The following TMEM129 variants were observed in gnomAD, a reference collection of about 807,000 sequenced individuals.
TMEM129 encodes E3 ubiquitin-protein ligase TM129.
In TMEM129, 35 loss-of-function variants were observed where a neutral mutation model predicts 34.1. The ratio of observed to expected loss-of-function variants is 1.03; its 90% CI spans 0.78 to 1.36. The LOEUF is 1.36. TMEM129 is among the 40% of genes most tolerant of loss of function. The pLI, the probability that TMEM129 is intolerant of heterozygous loss-of-function variation, is 0.00. For missense variants in TMEM129, 504 were observed against 512.6 expected, an observed-to-expected ratio of 0.98 and a Z score of 0.16; for synonymous variants, 239 against 217.3, an observed-to-expected ratio of 1.10 and a Z score of -0.88.
At position 1,720,463 on chromosome 4, in the gene TMEM129, C is replaced by G. The variant is rs911598117; in HGVS notation, c.205+170G>C. On this transcript the variant is annotated intron_variant, in intron 1 of 3. Coordinates refer to ENST00000382936, the MANE Select transcript of TMEM129 (RefSeq NM_001127266.2). The surrounding 1 kb of genome is among the most constrained non-coding windows in gnomAD (Gnocchi z 4.4). Reference sequence around the variant, plus strand: ...CCTGCAAGTCAGTGCCGGCGGCGCCCCTAAGCGCGCTCAGCCCACGCCGCG... The same window carrying G: ...CCTGCAAGTCAGTGCCGGCGGCGCCGCTAAGCGCGCTCAGCCCACGCCGCG... Among the ~76,000 whole-genome samples the G allele has an allele frequency of 5.9e-5, 9 of 152,256 alleles. No homozygotes were observed. The highest frequency in any genetic ancestry group is 2.2e-4 in the African/African-American group (9 of 41,468).
In TMEM129 at chr4:1,721,043, T is replaced by C. The variant is rs915821682; in HGVS notation, c.-206A>G. 1.0e-4 allele frequency: 29 copies of C among 285,640 alleles called. 1 individual carries two copies. The highest frequency in any genetic ancestry group is 2.7e-4 in the Admixed American group (5 of 18,860). The allele number at this position is 285,640 out of a possible 1,614,324, so 17.7% of individuals were successfully genotyped here. On this transcript the variant is annotated 5_prime_UTR_variant, in exon 1 of 4. An upstream open reading frame in the 5' UTR loses its in-frame stop. Coordinates refer to ENST00000382936, the MANE Select transcript of TMEM129 (RefSeq NM_001127266.2). ...CCGCCCGGCCGCCCGCGGGGCACTC[T>C]AGGACATGGAGTCCCGCCGCCCGGC... is the stretch of plus-strand genomic sequence containing the variant.
At position 1,717,637 on chromosome 4, in the gene TMEM129, A is replaced by T; in HGVS notation, c.719T>A (p.Leu240His). 6.5e-7 allele frequency: 1 copy of T among 1,544,678 alleles called. No homozygotes were observed. Among genetic ancestry groups the T allele is most frequent in the Middle Eastern group, 1.7e-4 (1 of 5,964 alleles). ...STEYGELCEK[L>H]RAPIRRAAHV... ...GGCTGCCCTGCGGATGGGTGCCCGGAGCTTCTCGCAGAGCTCCCCGTACTC... is the reference window on the plus strand; with the variant it reads ...GGCTGCCCTGCGGATGGGTGCCCGGTGCTTCTCGCAGAGCTCCCCGTACTC... The change falls in exon 3 of 4, where the codon CTC becomes CAC. Residue 240 changes from leucine to histidine, a missense_variant. Physicochemically the swap from Leu to His is moderately conservative, Grantham distance 99 (BLOSUM62 -3). Coordinates refer to ENST00000382936, the MANE Select transcript of TMEM129 (RefSeq NM_001127266.2).
chr4:1,718,480 G>A lies in TMEM129; in HGVS notation c.352C>T (p.Arg118Trp), dbSNP rs531878210. 185 of 1,552,306 alleles carry A rather than the reference G, an allele frequency of 1.2e-4. No individual in the cohort carries two copies. Among genetic ancestry groups the A allele is most frequent in the East Asian group, 1.2e-3 (49 of 41,310 alleles). ...CGCGCCAGTGGGTGGCAGGCCCACC[G>A]GTCACGGGACCAGTAGTAGATCAGG... The part of the protein sequence containing the change: ...CILIYYWSRD[R>W]WACHPLARTL... Residue 118 changes from arginine to tryptophan, a missense_variant, in exon 2 of 4, where the codon CGG (arginine) becomes TGG (tryptophan). Transcript: ENST00000382936.
chr4:1,720,414 G>A lies in TMEM129; in HGVS notation c.205+219C>T, dbSNP rs762054480. 1.3e-5 allele frequency among the ~76,000 whole-genome samples: 2 copies of A among 152,266 alleles called. No individual in the cohort carries two copies. The highest frequency in any genetic ancestry group is 4.8e-5 in the African/African-American group (2 of 41,476). On this transcript the variant is annotated intron_variant, in intron 1 of 3. Transcript: ENST00000382936. The surrounding 1 kb of genome is among the most constrained non-coding windows in gnomAD (Gnocchi z 4.4). ...GTGGGCCGGAGCATCCCTTGCCCAA[G>A]GTTCTGAACTTGGGTTCCCGTCACC...
Position 1,717,420 on chromosome 4 carries a change from C to T in TMEM129, c.849G>A (p.Glu283=). The change falls in exon 4 of 4, where the codon GAG becomes GAA. Residue 283 remains glutamate (E), a synonymous_variant. Transcript: ENST00000382936. ...AYSVPSSQEL[E]ACIGCMQTRA... The stretch of plus-strand genomic sequence containing the variant: ...GTGTCTGCATGCAGCCTATGCAGGC[C>T]TCCAGCTCCTGCGGGCAGGTGGAGC... 6.6e-7 allele frequency: 1 copy of T among 1,515,746 alleles called. No homozygotes were observed. The highest frequency in any genetic ancestry group is 8.9e-7 in the Non-Finnish European group (1 of 1,120,712). The allele number at this position is 1,515,746 out of a possible 1,614,324, so 93.9% of individuals were successfully genotyped here. A position where few individuals can be genotyped will look rare whatever the true frequency, so the allele number is the denominator to read the frequency against.
At chr4:1,719,311 T>C (rs1422326346) in intron 1 of TMEM129, 1 of 443,692 alleles carries the variant, frequency 2.3e-6, no homozygotes, top group Non-Finnish European at 4.6e-6. Flanking sequence ...CCCAGCACTT[T>C]GGGAAGCCGA....
At chr4:1,719,739 T>A (rs956891629) in intron 1 of TMEM129, among the ~76,000 whole-genome samples, 1 of 152,124 alleles carries the variant, frequency 6.6e-6, no homozygotes, top group Non-Finnish European at 1.5e-5. Context: ...CCCTAGAAAG[T>A]GGCCTGGTCA....
chr4:1,719,025 G>A, intron 1 of TMEM129: 4 of 1,291,814 alleles, frequency 3.1e-6, no homozygotes, highest in Non-Finnish European at 4.0e-6. Flanking sequence ...GCATCCCAGA[G>A]CTGAAAAGTT....
chr4:1,719,910 G>A (rs1717196154), intron 1 of TMEM129, among the ~76,000 whole-genome samples: 1 of 152,178 alleles, frequency 6.6e-6, no homozygotes, highest in Non-Finnish European at 1.5e-5. Context: ...CACCCCTCTT[G>A]TATCCCCAGA....
At chr4:1,719,207 A>G (rs1326114409) in intron 1 of TMEM129, 2 of 483,652 alleles carry the variant, frequency 4.1e-6, no homozygotes, top group South Asian at 3.1e-5. Context: ...GTAATAGTCC[A>G]CATTTGGAGT....
Position 1,720,538 on chromosome 4 carries a change from T to G in TMEM129, c.205+95A>C. 1 of 1,410,126 alleles carries G rather than the reference T, an allele frequency of 7.1e-7. No individual in the cohort carries two copies. The highest frequency in any genetic ancestry group is 9.4e-7 in the Non-Finnish European group (1 of 1,068,298). 87.4% of individuals were successfully genotyped at this position (1,410,126 alleles called of 1,614,324 possible). ...CTCTCCCCAGCTGCGCCCAGGCGCT[T>G]TCGGGGCCTCGGGGAGCTGGCGGAG... On this transcript the variant is annotated intron_variant, in intron 1 of 3. Coordinates refer to ENST00000382936, the MANE Select transcript of TMEM129 (RefSeq NM_001127266.2). The surrounding 1 kb of genome is among the most constrained non-coding windows in gnomAD (Gnocchi z 4.4).
At chr4:1,718,705 C>A in intron 1 of TMEM129, 79 bp from the exon 2 acceptor site, 1 of 1,424,070 alleles carries the variant, frequency 7.0e-7, no homozygotes. Context: ...GGACCTGGCC[C>A]TCTGCCCGGG....
At position 1,720,721 on chromosome 4, in the gene TMEM129, G is replaced by C; in HGVS notation, c.117C>G (p.Gly39=). 1 of 1,562,852 alleles carries C rather than the reference G, an allele frequency of 6.4e-7. No homozygotes were observed. Among genetic ancestry groups the C allele is most frequent in the South Asian group, 1.2e-5 (1 of 84,916 alleles). ...AGLTVQNLLS[G]WLGSEDAAFV... ...AGGCGGCGTCCTCGCTGCCCAGCCA[G>C]CCCGACAGCAGGTTCTGCACCGTGA... Residue 39 remains glycine (G), a synonymous_variant, in exon 1 of 4, where the codon GGC becomes GGG. Transcript: ENST00000382936. This position sits in a 1 kb window ranked among gnomAD's most constrained non-coding sequence, Gnocchi z 4.4.
rs760314924 is a variant in TMEM129 at position 1,717,574 on chromosome 4, AG to A, written c.781del (p.Leu261TrpfsTer8). On this transcript the variant is annotated frameshift_variant, in exon 3 of 4. Transcript: ENST00000382936. LOFTEE classifies it high-confidence loss of function. ...VIHQSLGDLF[L>X]ETFASLVEVN... The stretch of plus-strand genomic sequence containing the variant: ...CTCTACCAGGGAGGCAAATGTCTCC[AG>A]GAACAGGTCGCCCAGGCTCTGGTGG... 6.5e-7 allele frequency: 1 copy of A among 1,549,570 alleles called. No individual in the cohort carries two copies. Among genetic ancestry groups the A allele is most frequent in the Non-Finnish European group, 8.7e-7 (1 of 1,146,282 alleles).
At chr4:1,719,864 C>T (rs974116806) in intron 1 of TMEM129, among the ~76,000 whole-genome samples, 5 of 152,216 alleles carry the variant, frequency 3.3e-5, no homozygotes, top group East Asian at 1.9e-4. Context: ...CTTCTGGGCC[C>T]AGGCAGCTGC....
At chr4:1,718,946 G>A (rs1366276667) in intron 1 of TMEM129, 1 of 1,255,426 alleles carries the variant, frequency 8.0e-7, no homozygotes, top group Non-Finnish European at 1.0e-6. Context: ...TGGCCTGCCA[G>A]GGCAGCTGCC....
chr4:1,718,478 C>T lies in TMEM129; in HGVS notation c.354G>A (p.Arg118=). 1 of 1,553,104 alleles carries T rather than the reference C, an allele frequency of 6.4e-7. No individual in the cohort carries two copies. Among genetic ancestry groups the T allele is most frequent in the South Asian group, 1.2e-5 (1 of 84,800 alleles). The change falls in exon 2 of 4, where the codon CGG becomes CGA. Residue 118 remains arginine (R), a synonymous_variant. Coordinates refer to ENST00000382936, the MANE Select transcript of TMEM129 (RefSeq NM_001127266.2). ...TGCGCGCCAGTGGGTGGCAGGCCCA[C>T]CGGTCACGGGACCAGTAGTAGATCA... The part of the protein sequence containing the change: ...CILIYYWSRD[R]WACHPLARTL...
rs913412627 is a variant in TMEM129, at chr4:1,717,615, T to C, written c.741A>G (p.Ala247=). ...GGCTCTGGTGGATGACCACATGGGC[T>C]GCCCTGCGGATGGGTGCCCGGAGCT... The part of the protein sequence containing the change: ...CEKLRAPIRR[A]AHVVIHQSLG... The change falls in exon 3 of 4, where the codon GCA becomes GCG. Residue 247 remains alanine, a synonymous_variant. Coordinates refer to ENST00000382936, the MANE Select transcript of TMEM129 (RefSeq NM_001127266.2). The C allele has an allele frequency of 6.5e-7, 1 of 1,549,366 alleles. No homozygotes were observed. Among genetic ancestry groups the C allele is most frequent in the Non-Finnish European group, 8.7e-7 (1 of 1,146,106 alleles).
rs776589371 is a variant in TMEM129 at position 1,720,677 on chromosome 4, C to G, written c.161G>C (p.Arg54Pro). The G allele has an allele frequency of 1.3e-6, 2 of 1,549,856 alleles. No individual in the cohort carries two copies. The highest frequency in any genetic ancestry group is 1.2e-5 in the South Asian group (1 of 84,246). Reference sequence around the variant, plus strand: ...GCACAACAGCGTGGCGGCCGTGCGGCGCAAGTGGAAGGGCACGAAGGCGGC... The same window carrying G: ...GCACAACAGCGTGGCGGCCGTGCGGGGCAAGTGGAAGGGCACGAAGGCGGC... ...EDAAFVPFHL[R>P]RTAATLLCHS... Residue 54 changes from arginine (R) to proline (P), a missense_variant, in exon 1 of 4, where the codon CGC becomes CCC. Transcript: ENST00000382936. The surrounding 1 kb of genome is among the most constrained non-coding windows in gnomAD (Gnocchi z 4.4).
Sources: gnomAD v4.1 joint callset for allele counts (sites outside exome capture counted in the v4.1 genomes callset) on GRCh38, gnomAD v4.1.1 for gene constraint, Gnocchi (gnomAD v3.1) non-coding constraint, MANE v1.5 for transcripts, NCBI Gene and HGNC (gene_info 2026-07-23, HGNC 2026-07-21) for gene names.